Variants in PTPRD observed in about 807,000 individuals in gnomAD.
PTPRD encodes the protein receptor-type tyrosine-protein phosphatase delta.
A neutral mutation model predicts 214.5 loss-of-function variants in PTPRD; 34 were observed. The ratio of observed to expected loss-of-function variants is 0.16; its 90% CI spans 0.12 to 0.21. The LOEUF is 0.21. Ranked by LOEUF, PTPRD falls within the 10% of genes least tolerant of loss-of-function variation. The probability of loss-of-function intolerance (pLI) is 1.00; values close to 1 mark genes in which losing one functional copy is unlikely to be tolerated. For synonymous variants in PTPRD, 1,128 were observed against 845.7 expected (o/e 1.33, Z -5.79); for missense variants, 2,545 against 2,398.7 (o/e 1.06, Z -1.27).
intron 3 of PTPRD, among the ~76,000 whole-genome samples, chr9:10,125,420 T>C (rs2098808968): frequency 2.2e-5 from 3 of 134,394 alleles, no homozygotes; most frequent in Non-Finnish European, 4.6e-5. Context: ...TATTTTGTTT[T>C]ATTTTATTAT....
chr9:9,455,905 G>C (rs1037726904), intron 8 of PTPRD, among the ~76,000 whole-genome samples: 4 of 151,744 alleles, frequency 2.6e-5, no homozygotes, highest in African/African-American at 9.7e-5. Context: ...CATTGATTAA[G>C]CTGAAGGTTG....
At chr9:10,080,173 G>T (rs144086875) in intron 3 of PTPRD, among the ~76,000 whole-genome samples, 328 of 152,194 alleles carry the variant, frequency 2.2e-3, no homozygotes, top group African/African-American at 7.3e-3. Flanking sequence ...CAGCCTGACA[G>T]CATATCCTCT....
At chr9:9,959,680 G>C (rs976126990) in intron 4 of PTPRD, among the ~76,000 whole-genome samples, 3 of 152,126 alleles carry the variant, frequency 2.0e-5, no homozygotes, top group Admixed American at 6.6e-5. Flanking sequence ...CACAAAAACA[G>C]TGTACTTGAG....
chr9:9,566,558 T>C (rs1224453555), intron 8 of PTPRD, among the ~76,000 whole-genome samples: 1 of 152,018 alleles, frequency 6.6e-6, no homozygotes, highest in African/African-American at 2.4e-5. Context: ...AACATTCTTA[T>C]ATGCTAAATA....
intron 2 of PTPRD, among the ~76,000 whole-genome samples, chr9:10,542,103 T>G (rs988851366): frequency 3.3e-5 from 5 of 152,130 alleles, no homozygotes; most frequent in Non-Finnish European, 7.4e-5. Context: ...CTTCTTATCT[T>G]GAAAGACTAA....
At chr9:9,574,048 AC>A (rs1171953671) in intron 8 of PTPRD, among the ~76,000 whole-genome samples, 37 of 151,956 alleles carry the variant, frequency 2.4e-4, no homozygotes, top group Non-Finnish European at 3.5e-4. Flanking sequence ...TATTATGTTT[AC>A]TAATAAGCAA....
At chr9:10,313,358 G>A (rs1158519394) in intron 3 of PTPRD, among the ~76,000 whole-genome samples, 2 of 148,870 alleles carry the variant, frequency 1.3e-5, no homozygotes, top group Non-Finnish European at 3.0e-5. Flanking sequence ...TAAACAATAT[G>A]TACAAAGACA....
At chr9:10,251,870 G>C (rs1303253327) in intron 3 of PTPRD, among the ~76,000 whole-genome samples, 3 of 152,128 alleles carry the variant, frequency 2.0e-5, no homozygotes, top group African/African-American at 4.8e-5. Context: ...GTTAGGGAAA[G>C]GGGAAATGTT....
At chr9:10,592,934 T>C (rs2075828707) in intron 2 of PTPRD, among the ~76,000 whole-genome samples, 1 of 151,894 alleles carries the variant, frequency 6.6e-6, no homozygotes, top group Admixed American at 6.6e-5. Context: ...TTCCACACTG[T>C]GGAAGCTTTG....
chr9:9,725,695 T>C (rs1385285389), intron 7 of PTPRD, among the ~76,000 whole-genome samples: 1 of 152,230 alleles, frequency 6.6e-6, no homozygotes, highest in Non-Finnish European at 1.5e-5. Flanking sequence ...AACAAATGTG[T>C]ATGTTTATTT....
At chr9:10,379,104 T>A (rs772747194) in intron 2 of PTPRD, among the ~76,000 whole-genome samples, 1 of 151,984 alleles carries the variant, frequency 6.6e-6, no homozygotes, top group Non-Finnish European at 1.5e-5. Context: ...TTTTTAAATT[T>A]CTTTTTTCAG....
At chr9:8,590,292 G>C (rs188352731) in intron 14 of PTPRD, among the ~76,000 whole-genome samples, 1 of 152,100 alleles carries the variant, frequency 6.6e-6, no homozygotes, top group Non-Finnish European at 1.5e-5. Context: ...GGTAATATAA[G>C]TGTGGATATC....
chr9:9,910,414 A>C (rs572547504), intron 5 of PTPRD, among the ~76,000 whole-genome samples: 65 of 152,100 alleles, frequency 4.3e-4, no homozygotes, highest in African/African-American at 1.5e-3. Context: ...AGTTCTGTTC[A>C]AATAATCCCA....
intron 12 of PTPRD, chr9:8,713,788 C>A: frequency 2.0e-6 from 3 of 1,536,080 alleles, no homozygotes; most frequent in East Asian, 2.4e-5. Flanking sequence ...CCGGGTCCTG[C>A]GCCTTCAGCA....
chr9:10,475,851 C>G (rs778584316), intron 2 of PTPRD, among the ~76,000 whole-genome samples: 5 of 151,588 alleles, frequency 3.3e-5, no homozygotes, highest in Admixed American at 1.3e-4. Context: ...TGTAATCCAT[C>G]ATATAAGTAG....
intron 8 of PTPRD, among the ~76,000 whole-genome samples, chr9:9,509,469 A>C (rs902794260): frequency 6.6e-6 from 1 of 151,378 alleles, no homozygotes; most frequent in Non-Finnish European, 1.5e-5. Flanking sequence ...ATGACACACC[A>C]GACCCCTCAC....
At chr9:8,579,882 G>T in intron 14 of PTPRD, among the ~76,000 whole-genome samples, 1 of 152,172 alleles carries the variant, frequency 6.6e-6, no homozygotes, top group East Asian at 1.9e-4. Context: ...GCAAGTGGAA[G>T]CCTGGTGACC....
intron 3 of PTPRD, among the ~76,000 whole-genome samples, chr9:10,087,001 C>A: frequency 6.6e-6 from 1 of 151,738 alleles, no homozygotes; most frequent in East Asian, 1.9e-4. Context: ...ATTTAGGATT[C>A]AGCAATATCA....
chr9:10,501,501 C>T (rs1213364163), intron 2 of PTPRD, among the ~76,000 whole-genome samples: 1 of 151,772 alleles, frequency 6.6e-6, no homozygotes, highest in African/African-American at 2.4e-5. Context: ...ACTTCGTTGA[C>T]TTCAATTATT....
Sources: gnomAD v4.1 joint callset for allele counts (sites outside exome capture counted in the v4.1 genomes callset) on GRCh38, gnomAD v4.1.1 for gene constraint, MANE v1.5 for transcripts, NCBI Gene and HGNC (gene_info 2026-07-23, HGNC 2026-07-21) for gene names.